The following PHF8 variants were observed in gnomAD, a reference collection of about 807,000 sequenced individuals.
PHF8 encodes the protein histone lysine demethylase PHF8.
In PHF8, 9 loss-of-function variants were observed where a neutral mutation model predicts 74.4. The observed-to-expected ratio is 0.12, with a 90% confidence interval of 0.07 to 0.21. PHF8 has a LOEUF of 0.21. PHF8 is among the 10% of genes least tolerant of loss of function. The pLI is 1.00. For missense variants in PHF8, 478 were observed against 816.6 expected, an observed-to-expected ratio of 0.59 and a Z score of 5.05; for synonymous variants, 311 against 316.6, an observed-to-expected ratio of 0.98 and a Z score of 0.19.
intron 14 of PHF8, among the ~76,000 whole-genome samples, chrX:53,991,973 T>G (rs1391202615): frequency 8.9e-6 from 1 of 111,839 alleles, no homozygotes; most frequent in Non-Finnish European, 1.9e-5. Flanking sequence ...GGTGTGAGAT[T>G]TTTCACTGTG....
At chrX:53,986,798 T>C (rs151040952) in intron 16 of PHF8, among the ~76,000 whole-genome samples, 3,655 of 110,360 alleles carry the variant, frequency 0.033, 55 homozygotes, top group East Asian at 0.082. Flanking sequence ...AAGAATTAGC[T>C]ACATTGGTGG....
At chrX:54,037,408 T>C (rs1354683355) in intron 2 of PHF8, among the ~76,000 whole-genome samples, 2 of 111,220 alleles carry the variant, frequency 1.8e-5, no homozygotes, top group Non-Finnish European at 3.8e-5. Flanking sequence ...CCACCCACCC[T>C]GCTAATTTTT....
In PHF8 at chrX:53,937,029, C is replaced by G. The variant is rs1421314690; in HGVS notation, c.*2129G>C. 1.8e-5 allele frequency: 2 copies of G among 110,815 alleles called. No homozygotes were observed. The highest frequency in any genetic ancestry group is 3.8e-5 in the Non-Finnish European group (2 of 52,873). The allele number at this position is 110,815 out of a possible 1,213,427, so 9.1% of individuals were successfully genotyped here. A position where few individuals can be genotyped will look rare whatever the true frequency, so the allele number is the denominator to read the frequency against. On this transcript the variant is annotated 3_prime_UTR_variant, in exon 22 of 22. Coordinates refer to ENST00000338154, the MANE Select transcript of PHF8 (RefSeq NM_015107.3). ...GTAACTATCTCATGGTGTTCTAAAC[C>G]TTGATTACTAACACTCCCAACCCCT...
At chrX:53,955,656 T>C (rs2065004397) in intron 19 of PHF8, among the ~76,000 whole-genome samples, 1 of 108,093 alleles carries the variant, frequency 9.3e-6, no homozygotes, top group African/African-American at 3.4e-5. Flanking sequence ...GTGGGCACAT[T>C]AGTCTTATTC....
At chrX:53,993,396 CTT>C (rs1242772318) in intron 13 of PHF8, among the ~76,000 whole-genome samples, 2 of 112,168 alleles carry the variant, frequency 1.8e-5, no homozygotes, top group African/African-American at 3.2e-5. Flanking sequence ...CTGTCAGCCT[CTT>C]GAGAGTCACA....
At chrX:53,993,451 A>G (rs2065699743) in intron 13 of PHF8, 150 bp downstream of exon 13, 1 of 489,210 alleles carries the variant, frequency 2.0e-6, no homozygotes, top group African/African-American at 2.3e-5. Context: ...AAAGGTCTCA[A>G]TAAATGCCTA....
At chrX:53,991,676 A>AC (rs1473911727) in intron 14 of PHF8, among the ~76,000 whole-genome samples, 1 of 101,366 alleles carries the variant, frequency 9.9e-6, no homozygotes, top group African/African-American at 4.1e-5. Context: ...AAAAAAAAAA[A>AC]AAAAAAAAAC....
chrX:54,032,253 G>C (rs1206367946), intron 2 of PHF8, among the ~76,000 whole-genome samples: 1 of 111,345 alleles, frequency 9.0e-6, no homozygotes, highest in African/African-American at 3.3e-5. Flanking sequence ...AGTCAGTCTG[G>C]GGTGGGATCC....
intron 19 of PHF8, among the ~76,000 whole-genome samples, chrX:53,946,419 T>C (rs2064833146): frequency 8.9e-6 from 1 of 112,447 alleles, no homozygotes; most frequent in South Asian, 3.7e-4. Flanking sequence ...CATATTACTT[T>C]CAGTGTTTAG....
chrX:53,971,577 G>GACCATTAGCTAGTT (rs1416921608), intron 18 of PHF8, among the ~76,000 whole-genome samples: 3 of 111,271 alleles, frequency 2.7e-5, no homozygotes, highest in Non-Finnish European at 5.6e-5. Context: ...AAAATAGATA[G>GACCATTAGCTAGTT]ACCATTAGCT....
At chrX:53,977,605 T>C (rs1451386500) in intron 18 of PHF8, among the ~76,000 whole-genome samples, 3 of 110,351 alleles carry the variant, frequency 2.7e-5, no homozygotes, top group Admixed American at 9.7e-5. Flanking sequence ...CACATATTGC[T>C]AGTGGAAATG....
At chrX:54,001,346 A>G (rs1335890722) in intron 10 of PHF8, among the ~76,000 whole-genome samples, 1 of 109,082 alleles carries the variant, frequency 9.2e-6, no homozygotes, top group Non-Finnish European at 1.9e-5. Flanking sequence ...AAAGAAAAAA[A>G]AAAAGTATAA....
At position 53,938,319 on chromosome X, in the gene PHF8, A is replaced by G. The variant is rs1374742780; in HGVS notation, c.*839T>C. ...GTTTTCCACCTGCCAGGGCCCAGCC[A>G]CAGCCACAGCCACAGCCACGTGGAT... On this transcript the variant is annotated 3_prime_UTR_variant, in exon 22 of 22. Transcript: ENST00000338154. 2.0e-6 allele frequency: 2 copies of G among 985,803 alleles called. No individual in the cohort carries two copies. The highest frequency in any genetic ancestry group is 2.6e-6 in the Non-Finnish European group (2 of 780,620). The allele number at this position is 985,803 out of a possible 1,213,427, so 81.2% of individuals were successfully genotyped here.
rs781910313 is a variant in PHF8 at position 54,022,306 on chromosome X, G to A, written c.246C>T (p.Thr82=). ...HDTHKGKPVK[T]GSPTFVRELR... Reference sequence around the variant, plus strand: ...GCTCTCTGACGAACGTAGGGCTCCCGGTCTTCACTGGTTTCCCCTTGTGTG... The same window carrying A: ...GCTCTCTGACGAACGTAGGGCTCCCAGTCTTCACTGGTTTCCCCTTGTGTG... The change falls in exon 4 of 22, where the codon ACC becomes ACT. Residue 82 remains threonine (T), a synonymous_variant. Transcript: ENST00000338154. 13 of 1,205,054 alleles carry A rather than the reference G, an allele frequency of 1.1e-5. No homozygotes were observed. Among genetic ancestry groups the A allele is most frequent in the East Asian group, 3.0e-5 (1 of 33,739 alleles).
intron 7 of PHF8, among the ~76,000 whole-genome samples, chrX:54,012,683 T>A (rs2149871419): frequency 9.0e-6 from 1 of 110,902 alleles, no homozygotes; most frequent in South Asian, 3.8e-4. Flanking sequence ...ACGTCTGTAA[T>A]CCTAGCACTT....
chrX:53,995,732 C>A lies in PHF8; in HGVS notation c.1284G>T (p.Gln428His). The change falls in exon 12 of 22, where the codon CAG becomes CAT. Residue 428 changes from glutamine to histidine, a missense_variant. By Grantham distance (24) the Gln-to-His change is conservative. This residue lies in a region of PHF8 where 153 missense variants were observed against 164.8 expected (regional missense o/e 0.93). Coordinates refer to ENST00000338154, the MANE Select transcript of PHF8 (RefSeq NM_015107.3). The part of the protein sequence containing the change: ...DEIPETVRTV[Q>H]LIKDLAREIR... Reference sequence around the variant, plus strand: ...TCTCCCTGGCCAGATCTTTAATGAGCTGTACGGTTCGCACTGTCTCCGGGA... The same window carrying A: ...TCTCCCTGGCCAGATCTTTAATGAGATGTACGGTTCGCACTGTCTCCGGGA... The A allele has an allele frequency of 8.3e-7, 1 of 1,201,985 alleles. No homozygotes were observed. The highest frequency in any genetic ancestry group is 1.1e-6 in the Non-Finnish European group (1 of 887,042).
intron 2 of PHF8, among the ~76,000 whole-genome samples, chrX:54,026,353 CAAA>C (rs1192940345): frequency 4.1e-5 from 2 of 48,532 alleles, no homozygotes. Context: ...GATTCCATCT[CAAA>C]AAAAAAAAAA....
chrX:53,988,161 T>C (rs2065597052), intron 14 of PHF8, among the ~76,000 whole-genome samples: 1 of 112,001 alleles, frequency 8.9e-6, no homozygotes, highest in African/African-American at 3.2e-5. Context: ...TGACTTATAC[T>C]GCTCAATTCC....
chrX:54,018,210 T>C (rs1022806109), intron 4 of PHF8, among the ~76,000 whole-genome samples: 1 of 112,257 alleles, frequency 8.9e-6, no homozygotes, highest in Non-Finnish European at 1.9e-5. Flanking sequence ...ACAACAACTT[T>C]CTCAACATGC....
Sources: gnomAD v4.1 joint callset for allele counts (sites outside exome capture counted in the v4.1 genomes callset) on GRCh38, gnomAD v4.1.1 for gene constraint, gnomAD v4.1.1 regional missense constraint, MANE v1.5 for transcripts, NCBI Gene and HGNC (gene_info 2026-07-23, HGNC 2026-07-21) for gene names.